The following ST3GAL4 variants were observed in gnomAD, a reference collection of about 807,000 sequenced individuals.
ST3GAL4 encodes ST3 beta-galactoside alpha-2,3-sialyltransferase 4, also known as CMP-N-acetylneuraminate-beta-galactosamide-alpha-2,3-sialyltransferase 4.
ST3GAL4 carries 24 observed loss-of-function variants against 42.6 expected under a neutral mutation model. The observed-to-expected ratio is 0.56, with a 90% CI of 0.41 to 0.79. The LOEUF is 0.79. ST3GAL4 is among the 30% of genes least tolerant of loss of function. The pLI, the probability that ST3GAL4 is intolerant of heterozygous loss-of-function variation, is 0.00. For synonymous variants in ST3GAL4, 135 were observed against 163.2 expected, an observed-to-expected ratio of 0.83 and a Z score of 1.32; for missense variants, 311 against 430.8, an observed-to-expected ratio of 0.72 and a Z score of 2.46.
chr11:126,394,179 C>G (rs1953633247), intron 1 of ST3GAL4, among the ~76,000 whole-genome samples: 1 of 152,146 alleles, frequency 6.6e-6, no homozygotes, highest in Admixed American at 6.5e-5. Context: ...CAGATTCCAG[C>G]CCCAGACACT....
rs758195090 is a variant in ST3GAL4, at chr11:126,409,352, G to A, written c.712G>A (p.Glu238Lys). 1.9e-6 allele frequency: 3 copies of A among 1,614,112 alleles called. No homozygotes were observed. In the African/African-American group the frequency reaches 4.0e-5, roughly 22 times the overall value. ...QIRILNPFFM[E>K]IAADKLLSLP... is the part of the protein sequence containing the mutation. The stretch of plus-strand genomic sequence containing the variant: ...TCGGATTCTCAACCCCTTCTTCATG[G>A]AGATTGCAGCTGACAAACTGCTGAG... The change falls in exon 9 of 11, where the codon GAG becomes AAG. Residue 238 changes from glutamate to lysine, a missense_variant. Physicochemically the swap from Glu to Lys is moderately conservative, Grantham distance 56 (BLOSUM62 1). Coordinates refer to ENST00000444328, the MANE Select transcript of ST3GAL4 (RefSeq NM_001254757.2). The surrounding 1 kb of genome is among the most constrained non-coding windows in gnomAD (Gnocchi z 4.9).
chr11:126,385,643 A>G (rs903853581), intron 1 of ST3GAL4, among the ~76,000 whole-genome samples: 9 of 151,966 alleles, frequency 5.9e-5, no homozygotes, highest in Non-Finnish European at 1.2e-4. Flanking sequence ...ATGAAAGAGT[A>G]CTCCCCCATC....
chr11:126,369,309 G>A (rs1233013880), intron 1 of ST3GAL4, among the ~76,000 whole-genome samples: 2 of 152,076 alleles, frequency 1.3e-5, no homozygotes, highest in East Asian at 1.9e-4. Flanking sequence ...GCACAGTGGT[G>A]TGATCTCGGC....
rs1465816353 is a variant in ST3GAL4 at position 126,408,503 on chromosome 11, T to TG, written c.627+12dup. 2 of 1,613,864 alleles carry TG rather than the reference T, an allele frequency of 1.2e-6. No homozygotes were observed. The highest frequency in any genetic ancestry group is 1.7e-6 in the Non-Finnish European group (2 of 1,179,956). On this transcript the variant is annotated splice_region_variant and intron_variant, in intron 8 of 10. Coordinates refer to ENST00000444328, the MANE Select transcript of ST3GAL4 (RefSeq NM_001254757.2). ...CCTGAGTGATAAGAAGCGGGTAAGT[T>TG]GGGGGACAGACTGGGGGCTGAGGCC...
chr11:126,407,770 C>T, intron 6 of ST3GAL4, 136 bp downstream of exon 6: 3 of 988,708 alleles, frequency 3.0e-6, no homozygotes, highest in Admixed American at 2.2e-5. Flanking sequence ...TCATGGTAGC[C>T]TAGCCTGGGC....
chr11:126,372,049 A>T (rs1279147127), intron 1 of ST3GAL4, among the ~76,000 whole-genome samples: 2 of 152,218 alleles, frequency 1.3e-5, no homozygotes, highest in South Asian at 4.1e-4. Context: ...TTATGATAAA[A>T]TGCACAAGCA....
intron 1 of ST3GAL4, among the ~76,000 whole-genome samples, chr11:126,361,225 G>A (rs1392554224): frequency 1.3e-5 from 2 of 152,228 alleles, no homozygotes; most frequent in Non-Finnish European, 2.9e-5. Flanking sequence ...TGGGTCCTGA[G>A]AGGGAGTGAC....
rs1472719914 is a variant in ST3GAL4, at chr11:126,406,720, TG to T, written c.101+168del. 76 of 390,256 alleles carry T rather than the reference TG, an allele frequency of 1.9e-4. No individual in the cohort carries two copies. Among genetic ancestry groups the T allele is most frequent in the African/African-American group, 1.6e-3 (66 of 41,340 alleles). The allele number at this position is 390,256 out of a possible 1,614,324, so 24.2% of individuals were successfully genotyped here. ...TACGGAGTGTTTCCATGAGGGTGGG[TG>T]GGGGTAGGGCCTGGGATGTCTCACT... On this transcript the variant is annotated intron_variant, in intron 3 of 10. Coordinates refer to ENST00000444328, the MANE Select transcript of ST3GAL4 (RefSeq NM_001254757.2). This position sits in a 1 kb window ranked among gnomAD's most constrained non-coding sequence, Gnocchi z 5.4.
intron 9 of ST3GAL4, among the ~76,000 whole-genome samples, chr11:126,412,324 A>C (rs956303190): frequency 6.6e-6 from 1 of 152,146 alleles, no homozygotes; most frequent in Non-Finnish European, 1.5e-5. Context: ...GAGCTCAGAG[A>C]GGGAGAAAGC....
rs1050485681 is a variant in ST3GAL4, at chr11:126,379,050, T to C, written c.-61+23208T>C. On this transcript the variant is annotated intron_variant, in intron 1 of 10. Coordinates refer to ENST00000444328, the MANE Select transcript of ST3GAL4 (RefSeq NM_001254757.2). This position sits in a 1 kb window ranked among gnomAD's most constrained non-coding sequence, Gnocchi z 4.2. The stretch of plus-strand genomic sequence containing the variant: ...CCATCCCTTTGCCTCTGTTGCTTCT[T>C]CCAAGAGCTACACTGGTTGATCATA... 3.3e-5 allele frequency among the ~76,000 whole-genome samples: 5 copies of C among 152,192 alleles called. No individual in the cohort carries two copies. The highest frequency in any genetic ancestry group is 1.2e-4 in the African/African-American group (5 of 41,438).
At chr11:126,413,683 G>A (rs938812996) in intron 10 of ST3GAL4, 35 bp downstream of exon 10, 13 of 1,610,194 alleles carry the variant, frequency 8.1e-6, no homozygotes, top group Admixed American at 5.0e-5. Context: ...GTGGGCCAGG[G>A]CGTGGACGGG....
intron 1 of ST3GAL4, among the ~76,000 whole-genome samples, chr11:126,361,281 A>ACAGCT (rs1952232079): frequency 1.3e-5 from 2 of 152,080 alleles, no homozygotes. Context: ...CTCCTCCTGA[A>ACAGCT]CAGCTCCACT....
chr11:126,384,671 C>T lies in ST3GAL4; in HGVS notation c.-60-21425C>T, dbSNP rs1379561507. On this transcript the variant is annotated intron_variant, in intron 1 of 10. Transcript: ENST00000444328. This position sits in a 1 kb window ranked among gnomAD's most constrained non-coding sequence, Gnocchi z 5.5. Reference sequence around the variant, plus strand: ...ACACCCAGACAGACAGATGGAGAGCCACCTCCCTAGGGGCCTCCTCCCCCT... The same window carrying T: ...ACACCCAGACAGACAGATGGAGAGCTACCTCCCTAGGGGCCTCCTCCCCCT... 1 of 985,136 alleles carries T rather than the reference C, an allele frequency of 1.0e-6. No individual in the cohort carries two copies. The highest frequency in any genetic ancestry group is 1.2e-6 in the Non-Finnish European group (1 of 829,810). 61.0% of individuals were successfully genotyped at this position (985,136 alleles called of 1,614,324 possible). A position where few individuals can be genotyped will look rare whatever the true frequency, so the allele number is the denominator to read the frequency against.
intron 1 of ST3GAL4, among the ~76,000 whole-genome samples, chr11:126,385,432 A>G (rs767197468): frequency 5.3e-5 from 8 of 152,070 alleles, no homozygotes; most frequent in Admixed American, 1.3e-4. Context: ...GATGACAGGC[A>G]TGAGCCACCG....
Position 126,383,141 on chromosome 11 carries a change from C to G in ST3GAL4, c.-60-22955C>G, listed in dbSNP as rs1158043053. Among the ~76,000 whole-genome samples the G allele has an allele frequency of 6.6e-6, 1 of 152,206 alleles. No homozygotes were observed. The highest frequency in any genetic ancestry group is 2.4e-5 in the African/African-American group (1 of 41,464). On this transcript the variant is annotated intron_variant, in intron 1 of 10. Coordinates refer to ENST00000444328, the MANE Select transcript of ST3GAL4 (RefSeq NM_001254757.2). This position sits in a 1 kb window ranked among gnomAD's most constrained non-coding sequence, Gnocchi z 4.5. The stretch of plus-strand genomic sequence containing the variant: ...CCACAGGCTGCCCTGGGACACTCTC[C>G]AGGCCTGCTGGGGACACACCTGTGG...
chr11:126,412,201 G>C (rs757996099), intron 9 of ST3GAL4, among the ~76,000 whole-genome samples: 1 of 152,172 alleles, frequency 6.6e-6, no homozygotes, highest in Non-Finnish European at 1.5e-5. Context: ...GAGCTGGCTA[G>C]AAGGCCATGG....
At chr11:126,403,969 A>G (rs143010718) in intron 1 of ST3GAL4, among the ~76,000 whole-genome samples, 2 of 152,332 alleles carry the variant, frequency 1.3e-5, no homozygotes, top group East Asian at 1.9e-4. Flanking sequence ...AGAATCACCC[A>G]GCGGGCTTCA....
At chr11:126,375,426 C>T (rs908345484) in intron 1 of ST3GAL4, among the ~76,000 whole-genome samples, 10 of 151,978 alleles carry the variant, frequency 6.6e-5, no homozygotes, top group Admixed American at 1.3e-4. Flanking sequence ...TCCCGGGGAT[C>T]GTGGAGTCTA....
rs1240163516 is a variant in ST3GAL4 at position 126,355,978 on chromosome 11, G to A, written c.-61+136G>A. ...GGGCCCTGCACGTGGGCGCAGCGCGGGTCGGGGTGGGGCTGCCACAGCCCT... is the reference window on the plus strand; with the variant it reads ...GGGCCCTGCACGTGGGCGCAGCGCGAGTCGGGGTGGGGCTGCCACAGCCCT... On this transcript the variant is annotated intron_variant, in intron 1 of 10. Coordinates refer to ENST00000444328, the MANE Select transcript of ST3GAL4 (RefSeq NM_001254757.2). This position sits in a 1 kb window ranked among gnomAD's most constrained non-coding sequence, Gnocchi z 7.1. 6.6e-6 allele frequency: 1 copy of A among 151,810 alleles called. No individual in the cohort carries two copies. Among genetic ancestry groups the A allele is most frequent in the Non-Finnish European group, 1.5e-5 (1 of 67,880 alleles). 9.4% of individuals were successfully genotyped at this position (151,810 alleles called of 1,614,324 possible).
Sources: gnomAD v4.1 joint callset for allele counts (sites outside exome capture counted in the v4.1 genomes callset) on GRCh38, gnomAD v4.1.1 for gene constraint, Gnocchi (gnomAD v3.1) non-coding constraint, MANE v1.5 for transcripts, NCBI Gene and HGNC (gene_info 2026-07-23, HGNC 2026-07-21) for gene names.